SYT16: variants seen among roughly 807,000 people sequenced by gnomAD.
SYT16 encodes synaptotagmin-16.
A neutral mutation model predicts 61.4 loss-of-function variants in SYT16; 42 were observed. The observed-to-expected ratio is 0.68, with a 90% CI of 0.53 to 0.89. The LOEUF is 0.89. Ranked by LOEUF, SYT16 falls within the 40% of genes least tolerant of loss-of-function variation. The pLI is 0.00. For synonymous variants in SYT16, 314 were observed against 302.3 expected (o/e 1.04, Z -0.40); for missense variants, 804 against 807.3 (o/e 1.00, Z 0.05).
intron 5 of SYT16, among the ~76,000 whole-genome samples, chr14:62,075,638 T>C (rs75640494): frequency 1.5e-5 from 2 of 130,800 alleles, no homozygotes; most frequent in Admixed American, 7.5e-5. Context: ...GAAAAAAAAA[T>C]AAGAATGGTG....
At chr14:62,051,954 C>T (rs1267766182) in intron 3 of SYT16, among the ~76,000 whole-genome samples, 1 of 152,102 alleles carries the variant, frequency 6.6e-6, no homozygotes, top group East Asian at 1.9e-4. Flanking sequence ...ATCCCTTGAG[C>T]CTGGGTGGTT....
chr14:61,988,030 T>C (rs75145493), intron 2 of SYT16, among the ~76,000 whole-genome samples: 2,946 of 152,252 alleles, frequency 0.019, 50 homozygotes, highest in Non-Finnish European at 0.029. Context: ...TTTTGCCTTC[T>C]TCAATTTTAT....
At chr14:62,034,881 T>TA (rs557090474) in intron 3 of SYT16, among the ~76,000 whole-genome samples, 46 of 152,306 alleles carry the variant, frequency 3.0e-4, no homozygotes, top group African/African-American at 1.1e-3. Context: ...AGCTGTTTTT[T>TA]AAAAAAGGCT....
chr14:62,048,168 C>T (rs1214438939), intron 3 of SYT16, among the ~76,000 whole-genome samples: 1 of 152,084 alleles, frequency 6.6e-6, no homozygotes, highest in East Asian at 1.9e-4. Context: ...GTTATTGGTC[C>T]ATTCAGGGAT....
intron 3 of SYT16, among the ~76,000 whole-genome samples, chr14:62,041,914 A>C (rs2054746980): frequency 6.6e-6 from 1 of 152,144 alleles, no homozygotes; most frequent in South Asian, 2.1e-4. Flanking sequence ...TGCATTGCCC[A>C]AATCTGCCAT....
chr14:61,853,067 T>C (rs2046663387), intron 1 of SYT16, among the ~76,000 whole-genome samples: 1 of 152,146 alleles, frequency 6.6e-6, no homozygotes, highest in South Asian at 2.1e-4. Flanking sequence ...TACAGGCATC[T>C]GCCACCATGC....
chr14:62,084,453 A>T (rs1566834437), intron 7 of SYT16, 68 bp downstream of exon 7: 3 of 1,490,738 alleles, frequency 2.0e-6, no homozygotes, highest in South Asian at 2.6e-5. Context: ...GTCTGCTTTC[A>T]TCTTAGTTCT....
intron 3 of SYT16, 52 bp downstream of exon 3, chr14:61,996,594 C>T: frequency 1.3e-6 from 2 of 1,521,494 alleles, no homozygotes; most frequent in South Asian, 2.7e-5. Context: ...AGCATTTCTA[C>T]TTATTTTATT....
chr14:62,102,668 G>A lies in SYT16; in HGVS notation c.*1961G>A, dbSNP rs960610105. 7 of 152,028 alleles carry A rather than the reference G, an allele frequency of 4.6e-5. No individual in the cohort carries two copies. In the East Asian group the frequency reaches 1.2e-3, roughly 25 times the overall value. 9.4% of individuals were successfully genotyped at this position (152,028 alleles called of 1,614,324 possible). A position where few individuals can be genotyped will look rare whatever the true frequency, so the allele number is the denominator to read the frequency against. ...GTTTAAAGGGAAGTAGAACAGCCTC[G>A]CTATGCTTTCCTTTATGCAGTAACA... is the stretch of plus-strand genomic sequence containing the variant. On this transcript the variant is annotated 3_prime_UTR_variant, in exon 8 of 8. Transcript: ENST00000683842.
intron 3 of SYT16, among the ~76,000 whole-genome samples, chr14:62,063,391 A>G (rs1188925533): frequency 1.3e-5 from 2 of 152,220 alleles, no homozygotes; most frequent in Non-Finnish European, 2.9e-5. Context: ...AAAGTATACC[A>G]TATGCCAGAC....
At chr14:62,073,201 G>A (rs773328086) in intron 4 of SYT16, among the ~76,000 whole-genome samples, 1 of 152,140 alleles carries the variant, frequency 6.6e-6, no homozygotes, top group Non-Finnish European at 1.5e-5. Context: ...AAGGCTTAAT[G>A]TAGCTTTTGA....
chr14:61,914,382 C>G (rs1270049943), intron 1 of SYT16, among the ~76,000 whole-genome samples: 2 of 152,152 alleles, frequency 1.3e-5, no homozygotes, highest in African/African-American at 4.8e-5. Flanking sequence ...TCATTCAGTC[C>G]CATGCACACT....
At chr14:61,932,268 A>C (rs1318719214) in intron 1 of SYT16, among the ~76,000 whole-genome samples, 8 of 152,214 alleles carry the variant, frequency 5.3e-5, no homozygotes, top group Admixed American at 4.6e-4. Flanking sequence ...GGGTGGACCC[A>C]TGGCCCCCTT....
chr14:61,994,583 T>C (rs1190233138), intron 2 of SYT16, among the ~76,000 whole-genome samples: 2 of 152,084 alleles, frequency 1.3e-5, no homozygotes, highest in Non-Finnish European at 2.9e-5. Context: ...AGCTGGTGAA[T>C]ATAACAGGGA....
intron 1 of SYT16, among the ~76,000 whole-genome samples, chr14:61,926,505 T>C (rs170098): frequency 0.56 from 85,396 of 151,996 alleles, 24,160 homozygotes; most frequent in African/African-American, 0.62. Context: ...AAGAAACTCA[T>C]ATGACCAGGA....
At position 62,106,028 on chromosome 14, in the gene SYT16, C is replaced by T. The variant is rs1464564962; in HGVS notation, c.*5321C>T. The T allele has an allele frequency of 6.6e-6, 1 of 152,176 alleles. No homozygotes were observed. The highest frequency in any genetic ancestry group is 1.9e-4 in the East Asian group (1 of 5,204). The allele number at this position is 152,176 out of a possible 1,614,324, so 9.4% of individuals were successfully genotyped here. On this transcript the variant is annotated 3_prime_UTR_variant, in exon 8 of 8. Coordinates refer to ENST00000683842, the MANE Select transcript of SYT16 (RefSeq NM_001367656.1). ...TTCTAGTAACAATGATCCAAAAGTT[C>T]TAACCAGGGGGATGGTGCACACTTT...
Position 62,100,667 on chromosome 14 carries a change from G to A in SYT16, c.1898G>A (p.Gly633Asp), listed in dbSNP as rs1470703520. The A allele has an allele frequency of 2.8e-5, 45 of 1,613,682 alleles. No homozygotes were observed. The highest frequency in any genetic ancestry group is 3.7e-5 in the Non-Finnish European group (44 of 1,179,814). The change falls in exon 8 of 8, where the codon GGC becomes GAC. Residue 633 changes from glycine (G) to aspartate (D), a missense_variant. Physicochemically the swap from Gly to Asp is moderately conservative, Grantham distance 94 (BLOSUM62 -1). Coordinates refer to ENST00000683842, the MANE Select transcript of SYT16 (RefSeq NM_001367656.1). Reference sequence around the variant, plus strand: ...TGGGAGGAGATGAAGGAAACCAAAGGCCAGCAGATCTGCAGATGGCACACT... The same window carrying A: ...TGGGAGGAGATGAAGGAAACCAAAGACCAGCAGATCTGCAGATGGCACACT... ...DHWEEMKETK[G>D]QQICRWHTLL...
At position 61,824,211 on chromosome 14, in the gene SYT16, T is replaced by C. The variant is rs113298184; in HGVS notation, c.-325+11401T>C. On this transcript the variant is annotated intron_variant, in intron 1 of 7. Coordinates refer to ENST00000683842, the MANE Select transcript of SYT16 (RefSeq NM_001367656.1). ...ATCCGTCACTCATTTTATTCATATC[T>C]CCTATATACTTTTTCTTTTTTGGTC... 9.1e-3 allele frequency among the ~76,000 whole-genome samples: 1,379 copies of C among 152,288 alleles called. 10 individuals carry two copies. The highest frequency in any genetic ancestry group is 0.013 in the Non-Finnish European group (904 of 68,018).
chr14:61,882,693 C>A (rs1164678926), intron 1 of SYT16, among the ~76,000 whole-genome samples: 1 of 152,160 alleles, frequency 6.6e-6, no homozygotes, highest in South Asian at 2.1e-4. Context: ...CAGCATTAAC[C>A]CAAAAGTCCA....
Sources: gnomAD v4.1 joint callset for allele counts (sites outside exome capture counted in the v4.1 genomes callset) on GRCh38, gnomAD v4.1.1 for gene constraint, MANE v1.5 for transcripts, NCBI Gene and HGNC (gene_info 2026-07-23, HGNC 2026-07-21) for gene names.